The following PLCL1 variants were observed in gnomAD, a reference collection of about 807,000 sequenced individuals.
PLCL1 encodes the protein phospholipase C like 1 (inactive).
PLCL1 carries 41 observed loss-of-function variants against 84.4 expected under a neutral mutation model. The observed-to-expected ratio is 0.49, with a 90% CI of 0.38 to 0.63. The LOEUF (loss-of-function observed/expected upper bound fraction) is 0.63. PLCL1 is among the 30% of genes least tolerant of loss of function. PLCL1 has a pLI of 0.00. For missense variants in PLCL1, 1,206 were observed against 1,367.8 expected (o/e 0.88, Z 1.87); for synonymous variants, 490 against 488.3 (o/e 1.00, Z -0.05).
chr2:197,827,040 G>T (rs1391831676), intron 1 of PLCL1, among the ~76,000 whole-genome samples: 1 of 152,112 alleles, frequency 6.6e-6, no homozygotes, highest in African/African-American at 2.4e-5. Flanking sequence ...TGCTACACTA[G>T]TTCAGGCCAC....
At chr2:197,996,458 G>A (rs529877200) in intron 1 of PLCL1, among the ~76,000 whole-genome samples, 1 of 152,274 alleles carries the variant, frequency 6.6e-6, no homozygotes, top group South Asian at 2.1e-4. Context: ...TAATAATAAT[G>A]TATCAATATT....
intron 1 of PLCL1, among the ~76,000 whole-genome samples, chr2:197,936,235 A>ATATCTC (rs1689051518): frequency 6.6e-6 from 1 of 151,462 alleles, no homozygotes; most frequent in Non-Finnish European, 1.5e-5. Flanking sequence ...TGGAGTGCAG[A>ATATCTC]TATCTCTTCA....
chr2:198,088,540 A>G (rs1269398368), intron 2 of PLCL1, among the ~76,000 whole-genome samples: 1 of 152,202 alleles, frequency 6.6e-6, no homozygotes, highest in Non-Finnish European at 1.5e-5. Context: ...AATGCACTCC[A>G]GTGTACAACC....
At chr2:197,912,692 G>T (rs1484325822) in intron 1 of PLCL1, among the ~76,000 whole-genome samples, 15 of 143,080 alleles carry the variant, frequency 1.0e-4, no homozygotes, top group African/African-American at 3.9e-4. Context: ...ACTATCGCAA[G>T]AACAAAAAAC....
intron 1 of PLCL1, among the ~76,000 whole-genome samples, chr2:197,809,119 C>G (rs1690535280): frequency 6.6e-6 from 1 of 152,136 alleles, no homozygotes; most frequent in African/African-American, 2.4e-5. Context: ...AGACCCCTAT[C>G]AAGATTATGG....
intron 1 of PLCL1, among the ~76,000 whole-genome samples, chr2:197,916,232 T>A (rs1282863911): frequency 6.6e-6 from 1 of 152,192 alleles, no homozygotes; most frequent in African/African-American, 2.4e-5. Flanking sequence ...AATGACTGAT[T>A]TGGTGTTTCA....
At chr2:198,005,712 C>A (rs921119335) in intron 1 of PLCL1, among the ~76,000 whole-genome samples, 1 of 152,140 alleles carries the variant, frequency 6.6e-6, no homozygotes. Context: ...GACTGGTTAA[C>A]TGGGCAGAGG....
chr2:197,909,125 C>G (rs1295411544), intron 1 of PLCL1, among the ~76,000 whole-genome samples: 2 of 152,114 alleles, frequency 1.3e-5, no homozygotes, highest in Non-Finnish European at 2.9e-5. Context: ...TAACTGAGCT[C>G]CCTTTTCTTC....
At chr2:197,949,195 A>G (rs1176796098) in intron 1 of PLCL1, among the ~76,000 whole-genome samples, 2 of 152,166 alleles carry the variant, frequency 1.3e-5, no homozygotes, top group African/African-American at 2.4e-5. Flanking sequence ...TTTCTGATAA[A>G]CCAGAAGTCA....
chr2:197,997,397 G>A (rs569908263), intron 1 of PLCL1, among the ~76,000 whole-genome samples: 1 of 152,344 alleles, frequency 6.6e-6, no homozygotes, highest in Non-Finnish European at 1.5e-5. Flanking sequence ...CTTGTGATCT[G>A]CTGAGGTCGG....
chr2:197,918,458 A>G (rs959057251), intron 1 of PLCL1, among the ~76,000 whole-genome samples: 10 of 152,240 alleles, frequency 6.6e-5, no homozygotes, highest in African/African-American at 1.7e-4. Flanking sequence ...ATAGTTCATT[A>G]ACTATAAAAA....
At chr2:197,986,620 A>T (rs1048520534) in intron 1 of PLCL1, among the ~76,000 whole-genome samples, 1 of 152,144 alleles carries the variant, frequency 6.6e-6, no homozygotes, top group African/African-American at 2.4e-5. Flanking sequence ...AAATGTTAAG[A>T]TTATAGGTGT....
At chr2:198,142,517 G>A (rs751979073) in intron 5 of PLCL1, among the ~76,000 whole-genome samples, 4 of 152,032 alleles carry the variant, frequency 2.6e-5, no homozygotes, top group African/African-American at 7.2e-5. Context: ...GATTTAATAA[G>A]GAATGCTTAA....
At chr2:197,862,937 A>C (rs1234856016) in intron 1 of PLCL1, among the ~76,000 whole-genome samples, 1 of 152,168 alleles carries the variant, frequency 6.6e-6, no homozygotes, top group Non-Finnish European at 1.5e-5. Flanking sequence ...AGGAGACTTC[A>C]AAAGTAGGGT....
rs146936047 is a variant in PLCL1 at position 197,976,810 on chromosome 2, G to A, written c.241-106948G>A. ...GCACAACCACACTTCAGACCTGCTT[G>A]ACATTTGAAACTGCCCCTTATCTGA... On this transcript the variant is annotated intron_variant, in intron 1 of 5. Transcript: ENST00000428675. Among the ~76,000 whole-genome samples the A allele has an allele frequency of 5.3e-3, 800 of 152,298 alleles. 4 individuals are homozygous for A. The highest frequency in any genetic ancestry group is 9.1e-3 in the Non-Finnish European group (616 of 68,026).
chr2:197,986,268 G>T (rs988137822), intron 1 of PLCL1, among the ~76,000 whole-genome samples: 16 of 152,182 alleles, frequency 1.1e-4, no homozygotes, highest in Admixed American at 1.0e-3. Flanking sequence ...TGCTTCAGGT[G>T]CCAGAGTAGG....
chr2:198,147,942 A>G lies in PLCL1; in HGVS notation c.*980A>G, dbSNP rs1290700726. 2 of 152,352 alleles carry G rather than the reference A, an allele frequency of 1.3e-5. No individual in the cohort carries two copies. Among genetic ancestry groups the G allele is most frequent in the African/African-American group, 4.8e-5 (2 of 41,462 alleles). 9.4% of individuals were successfully genotyped at this position (152,352 alleles called of 1,614,324 possible). On this transcript the variant is annotated 3_prime_UTR_variant, in exon 6 of 6. Transcript: ENST00000428675. ...TTAAAGATATTGTTCAAACAATATC[A>G]TATCATCACATTGAGCTGATATAAA...
intron 1 of PLCL1, among the ~76,000 whole-genome samples, chr2:197,924,758 C>A (rs929411923): frequency 1.3e-5 from 2 of 151,836 alleles, no homozygotes; most frequent in African/African-American, 4.8e-5. Flanking sequence ...TGAGTAGGAA[C>A]GTATTCATTA....
intron 1 of PLCL1, among the ~76,000 whole-genome samples, chr2:198,042,504 A>G (rs1005575062): frequency 6.6e-6 from 1 of 152,194 alleles, no homozygotes; most frequent in African/African-American, 2.4e-5. Context: ...GGCCAGGGGA[A>G]TAGGAAGGAA....
Sources: gnomAD v4.1 joint callset for allele counts (sites outside exome capture counted in the v4.1 genomes callset) on GRCh38, gnomAD v4.1.1 for gene constraint, MANE v1.5 for transcripts, NCBI Gene and HGNC (gene_info 2026-07-23, HGNC 2026-07-21) for gene names.